ZCCHC9: variants seen among roughly 807,000 people sequenced by gnomAD.
ZCCHC9 encodes the protein zinc finger CCHC-type containing 9.
ZCCHC9 carries 18 observed loss-of-function variants against 30.8 expected under a neutral mutation model. The observed-to-expected ratio is 0.58, with a 90% CI of 0.40 to 0.87. The LOEUF is 0.87. Ranked by LOEUF, ZCCHC9 falls within the 40% of genes least tolerant of loss-of-function variation. The pLI is 0.00. For missense variants in ZCCHC9, 279 were observed against 331.2 expected, an observed-to-expected ratio of 0.84 and a Z score of 1.22; for synonymous variants, 94 against 106.7, an observed-to-expected ratio of 0.88 and a Z score of 0.73.
chr5:81,308,675 A>G lies in ZCCHC9; in HGVS notation c.499A>G (p.Ile167Val), dbSNP rs201819955. 1 of 1,613,396 alleles carries G rather than the reference A, an allele frequency of 6.2e-7. No homozygotes were observed. Among genetic ancestry groups the G allele is most frequent in the Non-Finnish European group, 8.5e-7 (1 of 1,179,698 alleles). The change falls in exon 3 of 6, where the codon ATA becomes GTA. Residue 167 changes from isoleucine (I) to valine (V), a missense_variant. By Grantham distance (29) the Ile-to-Val change is conservative. Coordinates refer to ENST00000407610, the MANE Select transcript of ZCCHC9 (RefSeq NM_001131035.2). ...CYRCGSTEHE[I>V]TKCKAKVDPA... Reference sequence around the variant, plus strand: ...CAGGTGTGGGTCCACAGAGCACGAAATAACCAAGTGTAAGGCTAAAGTAGA... The same window carrying G: ...CAGGTGTGGGTCCACAGAGCACGAAGTAACCAAGTGTAAGGCTAAAGTAGA...
At chr5:81,306,243 T>A (rs1052060686) in intron 2 of ZCCHC9, among the ~76,000 whole-genome samples, 1 of 152,234 alleles carries the variant, frequency 6.6e-6, no homozygotes, top group African/African-American at 2.4e-5. Context: ...TAGAGCACTG[T>A]TTGCACCATT....
chr5:81,307,514 G>A (rs1231650802), intron 2 of ZCCHC9, among the ~76,000 whole-genome samples: 2 of 151,864 alleles, frequency 1.3e-5, no homozygotes, highest in Non-Finnish European at 2.9e-5. Context: ...TTAGCTGGGC[G>A]TGGTGGTGCG....
intron 2 of ZCCHC9, among the ~76,000 whole-genome samples, chr5:81,307,160 A>G (rs757389566): frequency 6.6e-6 from 1 of 152,218 alleles, no homozygotes; most frequent in Admixed American, 6.5e-5. Flanking sequence ...ATCTTTTTCC[A>G]GTTTAAATAA....
intron 1 of ZCCHC9, 74 bp from the exon 2 acceptor site, chr5:81,304,667 T>C (rs1758040152): frequency 2.5e-5 from 34 of 1,343,792 alleles, no homozygotes; most frequent in Non-Finnish European, 3.2e-5. Flanking sequence ...TATAGTGATA[T>C]AGCATGTCTC....
At chr5:81,312,023 G>T (rs1758305599) in intron 5 of ZCCHC9, among the ~76,000 whole-genome samples, 2 of 152,080 alleles carry the variant, frequency 1.3e-5, no homozygotes, top group African/African-American at 2.4e-5. Flanking sequence ...ATTTAAATTT[G>T]AAAACCAAGA....
Position 81,308,961 on chromosome 5 carries a change from C to T in ZCCHC9, c.551C>T (p.Ala184Val), listed in dbSNP as rs369137521. ...ATTTTTACAGGCGAATTTCCTTTTGCAAAATGTTTTGTTTGTGGAGAAATG... is the reference window on the plus strand; with the variant it reads ...ATTTTTACAGGCGAATTTCCTTTTGTAAAATGTTTTGTTTGTGGAGAAATG... ...VDPALGEFPF[A>V]KCFVCGEMGH... The change falls in exon 4 of 6, where the codon GCA becomes GTA. Residue 184 changes from alanine to valine, a missense_variant. Coordinates refer to ENST00000407610, the MANE Select transcript of ZCCHC9 (RefSeq NM_001131035.2). The T allele has an allele frequency of 3.1e-6, 5 of 1,612,906 alleles. No homozygotes were observed. In the African/African-American group the frequency reaches 5.3e-5, roughly 17 times the overall value.
intron 1 of ZCCHC9, 31 bp from the exon 2 acceptor site, chr5:81,304,710 A>G: frequency 6.6e-7 from 1 of 1,518,180 alleles, no homozygotes; most frequent in South Asian, 1.3e-5. Context: ...TTGATGGCTA[A>G]CCACCCATGC....
At chr5:81,304,082 G>T (rs1758028617) in intron 1 of ZCCHC9, 1 of 152,214 alleles carries the variant, frequency 6.6e-6, no homozygotes, top group Non-Finnish European at 1.5e-5. Context: ...AGATTTTGGT[G>T]TGAAATATAT....
chr5:81,306,353 A>G (rs1758084394), intron 2 of ZCCHC9, among the ~76,000 whole-genome samples: 1 of 152,254 alleles, frequency 6.6e-6, no homozygotes, highest in African/African-American at 2.4e-5. Flanking sequence ...TTTAGAGATA[A>G]TACTGATGAA....
chr5:81,306,238 C>T (rs1275741330), intron 2 of ZCCHC9, among the ~76,000 whole-genome samples: 1 of 152,180 alleles, frequency 6.6e-6, no homozygotes, highest in Non-Finnish European at 1.5e-5. Flanking sequence ...ATATGTAGAG[C>T]ACTGTTTGCA....
chr5:81,304,686 T>C, intron 1 of ZCCHC9, 55 bp from the exon 2 acceptor site: 1 of 1,477,222 alleles, frequency 6.8e-7, no homozygotes, highest in Non-Finnish European at 9.1e-7. Context: ...TCTTTAGTTT[T>C]GTTGTTTTTG....
At chr5:81,305,245 C>A in intron 2 of ZCCHC9, 104 bp downstream of exon 2, 1 of 1,435,584 alleles carries the variant, frequency 7.0e-7, no homozygotes, top group Non-Finnish European at 9.3e-7. Context: ...CCATTATGTC[C>A]CAGATTTATA....
chr5:81,306,992 G>A (rs1160044165), intron 2 of ZCCHC9, among the ~76,000 whole-genome samples: 1 of 151,956 alleles, frequency 6.6e-6, no homozygotes, highest in African/African-American at 2.4e-5. Flanking sequence ...AGAATTTAAA[G>A]GGACTCATTC....
At chr5:81,303,916 C>T (rs1286542750) in intron 1 of ZCCHC9, 2 of 152,196 alleles carry the variant, frequency 1.3e-5, no homozygotes, top group East Asian at 3.8e-4. Flanking sequence ...CTCCAAATCA[C>T]TAGGTAGTAT....
intron 2 of ZCCHC9, chr5:81,308,292 G>A (rs1386408720): frequency 1.0e-5 from 3 of 293,474 alleles, no homozygotes; most frequent in Admixed American, 4.9e-5. Context: ...ATTCATTTAA[G>A]CAATTGCCGT....
chr5:81,310,784 T>C (rs1758257435), intron 4 of ZCCHC9, among the ~76,000 whole-genome samples: 2 of 152,158 alleles, frequency 1.3e-5, no homozygotes, highest in South Asian at 2.1e-4. Context: ...GAACAGTAGT[T>C]TCTAATCTGT....
rs748389737 is a variant in ZCCHC9, at chr5:81,308,642, A to T, written c.466A>T (p.Ile156Leu). The part of the protein sequence containing the change: ...ALENQDMGTG[I>L]CYRCGSTEHE... The stretch of plus-strand genomic sequence containing the variant: ...TGAAAATCAAGACATGGGCACTGGG[A>T]TATGTTACAGGTGTGGGTCCACAGA... The change falls in exon 3 of 6, where the codon ATA becomes TTA. Residue 156 changes from isoleucine (I) to leucine (L), a missense_variant. Coordinates refer to ENST00000407610, the MANE Select transcript of ZCCHC9 (RefSeq NM_001131035.2). 6.2e-7 allele frequency: 1 copy of T among 1,613,932 alleles called. No homozygotes were observed. The highest frequency in any genetic ancestry group is 1.7e-5 in the Admixed American group (1 of 59,944).
chr5:81,307,994 C>CG (rs1758131902), intron 2 of ZCCHC9, among the ~76,000 whole-genome samples: 1 of 30,300 alleles, frequency 3.3e-5, no homozygotes, highest in Non-Finnish European at 5.5e-5. Context: ...GACTCCGTCT[C>CG]AAAAAAAAAA....
chr5:81,309,205 A>G, intron 4 of ZCCHC9, 167 bp downstream of exon 4: 1 of 486,954 alleles, frequency 2.1e-6, no homozygotes. Context: ...TTTTTGTGCA[A>G]TTTGACTTCA....
Sources: gnomAD v4.1 joint callset for allele counts (sites outside exome capture counted in the v4.1 genomes callset) on GRCh38, gnomAD v4.1.1 for gene constraint, MANE v1.5 for transcripts, NCBI Gene and HGNC (gene_info 2026-07-23, HGNC 2026-07-21) for gene names.